The following GRM1 variants were observed in gnomAD, a reference collection of about 807,000 sequenced individuals.
GRM1 encodes metabotropic glutamate receptor 1.
GRM1 carries 33 observed loss-of-function variants against 90.9 expected under a neutral mutation model. That is an observed-to-expected ratio of 0.36 (90% confidence interval 0.28 to 0.49). The LOEUF is 0.49. GRM1 is among the 20% of genes least tolerant of loss of function. The pLI is 0.99. For missense variants in GRM1, 1,190 were observed against 1,534.3 expected, an observed-to-expected ratio of 0.78 and a Z score of 3.75; for synonymous variants, 700 against 613.2, an observed-to-expected ratio of 1.14 and a Z score of -2.09.
chr6:146,257,924 A>G (rs553909465), intron 2 of GRM1, among the ~76,000 whole-genome samples: 1 of 152,072 alleles, frequency 6.6e-6, no homozygotes, highest in Non-Finnish European at 1.5e-5. Context: ...AAGTTGACAC[A>G]TAAAATTAAC....
At chr6:146,099,811 A>G (rs1421106628) in intron 1 of GRM1, among the ~76,000 whole-genome samples, 3 of 152,102 alleles carry the variant, frequency 2.0e-5, no homozygotes, top group Non-Finnish European at 4.4e-5. Flanking sequence ...TTCTAAGGCA[A>G]TTTGGACTGT....
chr6:146,136,799 A>G (rs574065006), intron 1 of GRM1, among the ~76,000 whole-genome samples: 1 of 148,462 alleles, frequency 6.7e-6, no homozygotes, highest in Non-Finnish European at 1.5e-5. Flanking sequence ...ATAATCTGTC[A>G]TGTGGGTTGT....
At chr6:146,271,440 A>C (rs1782160430) in intron 2 of GRM1, among the ~76,000 whole-genome samples, 4 of 152,128 alleles carry the variant, frequency 2.6e-5, no homozygotes, top group Non-Finnish European at 5.9e-5. Flanking sequence ...CTTGTTAGGA[A>C]GCTGGTGGAG....
chr6:146,296,011 AATGGCCTCCAGCTC>A (rs1783165979), intron 2 of GRM1, among the ~76,000 whole-genome samples: 1 of 152,174 alleles, frequency 6.6e-6, no homozygotes, highest in Non-Finnish European at 1.5e-5. Context: ...TGCTAAGGAT[AATGGCCTCCAGCTC>A]CATCCATTTT....
intron 5 of GRM1, among the ~76,000 whole-genome samples, chr6:146,359,323 A>T (rs2115058828): frequency 6.6e-6 from 1 of 152,262 alleles, no homozygotes; most frequent in Middle Eastern, 3.4e-3. Context: ...AATAGTGGGA[A>T]AAAACAGGAT....
intron 1 of GRM1, among the ~76,000 whole-genome samples, chr6:146,156,342 G>T (rs1777527099): frequency 6.6e-6 from 1 of 152,176 alleles, no homozygotes; most frequent in South Asian, 2.1e-4. Context: ...AGAGGCGGAG[G>T]TTGCAGTGAG....
chr6:146,313,361 G>A (rs1422418523), intron 3 of GRM1, among the ~76,000 whole-genome samples: 1 of 152,092 alleles, frequency 6.6e-6, no homozygotes, highest in Non-Finnish European at 1.5e-5. Context: ...CTGTCATGTG[G>A]TTCAGCTTGC....
intron 1 of GRM1, among the ~76,000 whole-genome samples, chr6:146,056,211 A>G (rs1188628743): frequency 6.6e-6 from 1 of 152,156 alleles, no homozygotes; most frequent in Admixed American, 6.6e-5. Context: ...CAATCTGGAC[A>G]CAGAGACCAC....
chr6:146,041,406 A>G (rs1791098176), intron 1 of GRM1, among the ~76,000 whole-genome samples: 1 of 152,078 alleles, frequency 6.6e-6, no homozygotes, highest in Non-Finnish European at 1.5e-5. Flanking sequence ...GTGTATTTAC[A>G]GGTTCTATGC....
At chr6:146,248,411 T>C (rs899582142) in intron 2 of GRM1, among the ~76,000 whole-genome samples, 16 of 152,116 alleles carry the variant, frequency 1.1e-4, no homozygotes, top group Non-Finnish European at 2.4e-4. Context: ...ATGGAGGTGG[T>C]TTCTCCCATG....
intron 1 of GRM1, among the ~76,000 whole-genome samples, chr6:146,134,704 GTGGA>G (rs2128881366): frequency 6.6e-6 from 1 of 152,288 alleles, no homozygotes; most frequent in South Asian, 2.1e-4. Context: ...GCCATGGCGG[GTGGA>G]TCATGAGGTC....
chr6:146,145,356 C>T (rs1257286602), intron 1 of GRM1, among the ~76,000 whole-genome samples: 1 of 152,108 alleles, frequency 6.6e-6, no homozygotes, highest in Admixed American at 6.5e-5. Context: ...AGGCTGTCCC[C>T]CCATCACAGC....
At chr6:146,309,892 C>G (rs897628104) in intron 3 of GRM1, among the ~76,000 whole-genome samples, 1 of 152,124 alleles carries the variant, frequency 6.6e-6, no homozygotes, top group Non-Finnish European at 1.5e-5. Flanking sequence ...AATATTTGCT[C>G]CGGCTAGCAG....
intron 2 of GRM1, among the ~76,000 whole-genome samples, chr6:146,272,927 C>A (rs994376500): frequency 2.6e-5 from 4 of 152,054 alleles, no homozygotes; most frequent in African/African-American, 9.7e-5. Flanking sequence ...GGCTTTTCAG[C>A]AAGAGTATGA....
intron 1 of GRM1, among the ~76,000 whole-genome samples, chr6:146,118,135 C>CTTT (rs1562474214): frequency 8.2e-6 from 1 of 121,218 alleles, no homozygotes. Context: ...TTTTTTTCTT[C>CTTT]TTTTCTTTTT....
intron 3 of GRM1, among the ~76,000 whole-genome samples, chr6:146,329,499 A>G (rs948117806): frequency 4.6e-5 from 7 of 152,174 alleles, no homozygotes; most frequent in Non-Finnish European, 8.8e-5. Context: ...ATTGGATATC[A>G]TGAAAGCAAT....
chr6:146,131,161 C>A (rs1317453089), intron 1 of GRM1, among the ~76,000 whole-genome samples: 3 of 152,172 alleles, frequency 2.0e-5, no homozygotes. Flanking sequence ...AAGACCTAGG[C>A]ACTAAGAAGA....
chr6:146,350,956 A>G (rs1000360779), intron 3 of GRM1, among the ~76,000 whole-genome samples: 1 of 152,190 alleles, frequency 6.6e-6, no homozygotes, highest in African/African-American at 2.4e-5. Context: ...CTCAGGGTAG[A>G]TATAAGGATA....
chr6:146,195,701 C>T (rs144772374), intron 2 of GRM1, among the ~76,000 whole-genome samples: 62 of 152,344 alleles, frequency 4.1e-4, no homozygotes, highest in African/African-American at 1.0e-3. Flanking sequence ...TGTTTTATCA[C>T]TTAGTTTACC....
Sources: allele counts gnomAD v4.1 joint callset (sites outside exome capture counted in the v4.1 genomes callset), GRCh38; gene constraint gnomAD v4.1.1; transcripts MANE v1.5; gene names NCBI Gene and HGNC (gene_info 2026-07-23, HGNC 2026-07-21).